BAIAP2L2: variants seen among roughly 807,000 people sequenced by gnomAD.
BAIAP2L2 encodes the protein BAR/IMD domain-containing adapter protein 2-like 2.
A neutral mutation model predicts 60.4 loss-of-function variants in BAIAP2L2; 65 were observed. The ratio of observed to expected loss-of-function variants is 1.08; its 90% CI spans 0.88 to 1.32. BAIAP2L2 has a LOEUF of 1.32. Ranked by LOEUF, BAIAP2L2 falls within the 40% of genes most tolerant of loss-of-function variation. The pLI is 0.00. For missense variants in BAIAP2L2, 836 were observed against 741.2 expected (o/e 1.13, Z -1.48); for synonymous variants, 344 against 301.7 (o/e 1.14, Z -1.45).
chr22:38,097,600 G>A lies in BAIAP2L2; in HGVS notation c.466-422C>T, dbSNP rs369246457. Among the ~76,000 whole-genome samples the A allele has an allele frequency of 1.6e-4, 24 of 152,338 alleles. No individual in the cohort carries two copies. In the East Asian group the frequency reaches 3.5e-3, roughly 22 times the overall value. On this transcript the variant is annotated intron_variant, in intron 6 of 13. Coordinates refer to ENST00000381669, the MANE Select transcript of BAIAP2L2 (RefSeq NM_025045.6). ...GAAGAGACGGGAAGGGAGGCAGAGG[G>A]TTAATCCATGGGTTTGGATCTTGGA...
chr22:38,097,086 G>A lies in BAIAP2L2; in HGVS notation c.558C>T (p.Phe186=). 1 of 1,614,130 alleles carries A rather than the reference G, an allele frequency of 6.2e-7. No homozygotes were observed. The highest frequency in any genetic ancestry group is 8.5e-7 in the Non-Finnish European group (1 of 1,180,014). ...AELEEKRRYR[F]LAEKHLLLSN... ...AAAGTAGCAGGTGCTTCTCTGCTAG[G>A]AAGCGATAGCGCCGCTTCTCTTCCA... The change falls in exon 7 of 14, where the codon TTC becomes TTT. Residue 186 remains phenylalanine (F), a synonymous_variant. Transcript: ENST00000381669.
intron 2 of BAIAP2L2, 118 bp from the exon 3 acceptor site, chr22:38,108,459 G>A (rs993669399): frequency 1.2e-5 from 9 of 756,106 alleles, no homozygotes; most frequent in African/African-American, 7.0e-5. Flanking sequence ...ATCTGTGTGT[G>A]CCCCTGAGGA....
intron 10 of BAIAP2L2, among the ~76,000 whole-genome samples, chr22:38,087,707 T>C (rs914196174): frequency 2.0e-5 from 3 of 151,916 alleles, no homozygotes; most frequent in Non-Finnish European, 2.9e-5. Context: ...CTATGGACCT[T>C]CGCGCCTAAC....
chr22:38,101,657 C>CA (rs2086572223), intron 4 of BAIAP2L2, among the ~76,000 whole-genome samples: 1 of 151,114 alleles, frequency 6.6e-6, no homozygotes, highest in South Asian at 2.1e-4. Flanking sequence ...AGTTTGAGAC[C>CA]AGCCTGGCCA....
chr22:38,108,842 T>C (rs1189802497), intron 2 of BAIAP2L2, among the ~76,000 whole-genome samples: 2 of 151,518 alleles, frequency 1.3e-5, no homozygotes, highest in South Asian at 2.1e-4. Flanking sequence ...GGGGCTGCCC[T>C]GGGGCTGTGT....
chr22:38,098,017 G>A (rs1602016423), intron 6 of BAIAP2L2, 46 bp downstream of exon 6: 1 of 741,768 alleles, frequency 1.3e-6, no homozygotes, highest in Non-Finnish European at 2.2e-6. Flanking sequence ...CCCGAGGTCT[G>A]CCCACCCGCC....
chr22:38,098,023 CCGCCCTT>C, intron 6 of BAIAP2L2, 33 bp downstream of exon 6: 1 of 860,288 alleles, frequency 1.2e-6, no homozygotes, highest in Non-Finnish European at 1.9e-6. Flanking sequence ...GTCTGCCCAC[CCGCCCTT>C]CCTGGCCCAC....
rs1221261352 is a variant in BAIAP2L2, at chr22:38,098,059, G to A, written c.465+4C>T. Reference sequence around the variant, plus strand: ...GGCCCACCCCCGCTTCCCGGCCCTCGCACCTTCATCTCCCGCACGTTCTTG... The same window carrying A: ...GGCCCACCCCCGCTTCCCGGCCCTCACACCTTCATCTCCCGCACGTTCTTG... On this transcript the variant is annotated splice_donor_region_variant and intron_variant, in intron 6 of 13. Coordinates refer to ENST00000381669, the MANE Select transcript of BAIAP2L2 (RefSeq NM_025045.6). 1.6e-6 allele frequency: 2 copies of A among 1,267,882 alleles called. No individual in the cohort carries two copies. Among genetic ancestry groups the A allele is most frequent in the Non-Finnish European group, 2.1e-6 (2 of 933,000 alleles). 78.5% of individuals were successfully genotyped at this position (1,267,882 alleles called of 1,614,324 possible).
At chr22:38,087,468 A>C (rs913543612) in intron 10 of BAIAP2L2, among the ~76,000 whole-genome samples, 8 of 152,136 alleles carry the variant, frequency 5.3e-5, no homozygotes, top group African/African-American at 1.7e-4. Flanking sequence ...CTAACAGGCT[A>C]TGTGAGTCAA....
chr22:38,095,786 T>C (rs2086414164), intron 7 of BAIAP2L2, among the ~76,000 whole-genome samples: 1 of 152,096 alleles, frequency 6.6e-6, no homozygotes. Context: ...TGGATATATA[T>C]GTGATTATGA....
chr22:38,088,813 C>T lies in BAIAP2L2; in HGVS notation c.1053G>A (p.Val351=), dbSNP rs2086181384. 4 of 1,601,242 alleles carry T rather than the reference C, an allele frequency of 2.5e-6. No homozygotes were observed. The South Asian group carries it at 4.4e-5, about 18-fold the overall frequency. ...GGGCCTCGGGCACCAACACCTCCAC[C>T]ACGTCCCCAGCGGAGAAGCGCAGCA... ...HTLLRFSAGD[V]VEVLVPEAQN... is the part of the protein sequence containing the mutation. The change falls in exon 10 of 14, where the codon GTG becomes GTA. Residue 351 remains valine (V), a synonymous_variant. Coordinates refer to ENST00000381669, the MANE Select transcript of BAIAP2L2 (RefSeq NM_025045.6).
intron 10 of BAIAP2L2, 107 bp downstream of exon 10, chr22:38,088,641 G>A (rs1056839394): frequency 4.9e-5 from 57 of 1,157,090 alleles, no homozygotes; most frequent in Non-Finnish European, 6.5e-5. Context: ...ATTGTCCGAG[G>A]CCCCCGGGGG....
intron 7 of BAIAP2L2, among the ~76,000 whole-genome samples, chr22:38,092,972 GC>G (rs2086341978): frequency 6.6e-6 from 1 of 152,056 alleles, no homozygotes; most frequent in South Asian, 2.1e-4. Flanking sequence ...TTCAAGACCA[GC>G]CTGGCCAACA....
intron 7 of BAIAP2L2, chr22:38,090,930 T>C (rs2086283820): frequency 6.6e-6 from 1 of 152,244 alleles, no homozygotes; most frequent in Non-Finnish European, 1.5e-5. Context: ...AGCTGGTCAC[T>C]AAGTGGACAG....
At chr22:38,090,361 C>T (rs1282446003) in intron 7 of BAIAP2L2, 1 of 152,100 alleles carries the variant, frequency 6.6e-6, no homozygotes, top group Non-Finnish European at 1.5e-5. Context: ...TCTGCCTGCC[C>T]TCGGACTCCC....
Position 38,088,824 on chromosome 22 carries a change from C to A in BAIAP2L2, c.1042G>T (p.Ala348Ser). 6.2e-7 allele frequency: 1 copy of A among 1,600,644 alleles called. No homozygotes were observed. The highest frequency in any genetic ancestry group is 8.5e-7 in the Non-Finnish European group (1 of 1,179,642). ...GANHTLLRFSAGDVVEVLVPE... is the reference protein window; with the variant it reads ...GANHTLLRFSSGDVVEVLVPE... The stretch of plus-strand genomic sequence containing the variant: ...ACCAACACCTCCACCACGTCCCCAG[C>A]GGAGAAGCGCAGCAGCGTGTGGTTG... Residue 348 changes from alanine to serine, a missense_variant, in exon 10 of 14, where the codon GCT becomes TCT. Physicochemically the swap from Ala to Ser is moderately conservative, Grantham distance 99. Transcript: ENST00000381669.
At chr22:38,088,590 A>C (rs1354652578) in intron 10 of BAIAP2L2, among the ~76,000 whole-genome samples, 158 bp downstream of exon 10, 1 of 152,204 alleles carries the variant, frequency 6.6e-6, no homozygotes, top group Non-Finnish European at 1.5e-5. Flanking sequence ...TGAATGAATG[A>C]GGAAACTGAG....
intron 4 of BAIAP2L2, among the ~76,000 whole-genome samples, chr22:38,104,351 A>G (rs2086621226): frequency 1.3e-5 from 2 of 152,200 alleles, no homozygotes; most frequent in South Asian, 4.1e-4. Context: ...CAGAGAAACC[A>G]GCTGAACATA....
intron 7 of BAIAP2L2, 124 bp from the exon 8 acceptor site, chr22:38,089,798 G>T (rs1187279646): frequency 3.1e-6 from 3 of 977,806 alleles, no homozygotes; most frequent in Non-Finnish European, 2.6e-6. Flanking sequence ...GGATTTTCTA[G>T]CTGGAAGGAG....
Sources: allele counts gnomAD v4.1 joint callset (sites outside exome capture counted in the v4.1 genomes callset), GRCh38; gene constraint gnomAD v4.1.1; transcripts MANE v1.5; gene names NCBI Gene and HGNC (gene_info 2026-07-23, HGNC 2026-07-21).